The following ART3 variants were observed in gnomAD, a reference collection of about 807,000 sequenced individuals.
ART3 encodes ADP-ribosyltransferase 3 (inactive).
In ART3, 49 loss-of-function variants were observed where a neutral mutation model predicts 48.5. The observed-to-expected ratio is 1.01, with a 90% confidence interval of 0.80 to 1.28. ART3 has a LOEUF of 1.28. Ranked by LOEUF, ART3 falls within the 50% of genes most tolerant of loss-of-function variation. ART3 has a pLI of 0.00. For synonymous variants in ART3, 145 were observed against 157.2 expected, an observed-to-expected ratio of 0.92 and a Z score of 0.58; for missense variants, 438 against 454.3, an observed-to-expected ratio of 0.96 and a Z score of 0.33.
In ART3 at chr4:76,013,785, A is replaced by G. The variant is rs375299724; in HGVS notation, c.-10+2465A>G. 2.0e-5 allele frequency among the ~76,000 whole-genome samples: 3 copies of G among 152,308 alleles called. No individual in the cohort carries two copies. In the East Asian group the frequency reaches 5.8e-4, roughly 29 times the overall value. On this transcript the variant is annotated intron_variant, in intron 1 of 9. Coordinates refer to the ART3 transcript ENST00000341029. ...AGTATGTAGATGTATCTGTTTCACA[A>G]TCCTCTTGTCATTTTATTTACTTTT...
intron 1 of ART3, among the ~76,000 whole-genome samples, chr4:76,038,910 A>T (rs1419137678): frequency 6.6e-6 from 1 of 151,550 alleles, no homozygotes; most frequent in African/African-American, 2.4e-5. Flanking sequence ...TTTAGTAGAG[A>T]TGGTGTTTAG....
upstream of ART3, among the ~76,000 whole-genome samples, chr4:76,072,728 A>G (rs1473355929): frequency 4.2e-5 from 6 of 144,314 alleles, no homozygotes; most frequent in Admixed American, 1.4e-4. Flanking sequence ...AGAGATTGAC[A>G]TGGTCTTCCC....
intron 1 of ART3, chr4:76,022,611 CTTT>C (rs11298565): frequency 4.0e-6 from 6 of 1,491,806 alleles, no homozygotes; most frequent in African/African-American, 1.4e-5. Context: ...CTTTACTGAT[CTTT>C]TTTTATTATC....
chr4:76,035,086 GC>G, intron 1 of ART3: 1 of 1,613,770 alleles, frequency 6.2e-7, no homozygotes, highest in Non-Finnish European at 8.5e-7. Context: ...TGGGATTTAG[GC>G]ATCGTTGTCC....
chr4:76,056,605 A>G (rs1718716647), intron 1 of ART3, among the ~76,000 whole-genome samples: 1 of 152,268 alleles, frequency 6.6e-6, no homozygotes, highest in East Asian at 1.9e-4. Flanking sequence ...GGGGGTGGAC[A>G]GTGTGTGTGA....
intron 1 of ART3, among the ~76,000 whole-genome samples, chr4:76,053,247 CTTAA>C (rs1736308395): frequency 6.6e-6 from 1 of 152,094 alleles, no homozygotes; most frequent in Admixed American, 6.5e-5. Context: ...TTCTCATTGG[CTTAA>C]TTAAATTTAT....
intron 3 of ART3, among the ~76,000 whole-genome samples, chr4:76,087,717 A>G (rs1723921437): frequency 6.6e-6 from 1 of 152,228 alleles, no homozygotes; most frequent in Non-Finnish European, 1.5e-5. Flanking sequence ...CAGAGAGAAT[A>G]TCAACATCTC....
chr4:76,082,769 G>A (rs1203333816), intron 3 of ART3, among the ~76,000 whole-genome samples: 1 of 152,080 alleles, frequency 6.6e-6, no homozygotes, highest in Non-Finnish European at 1.5e-5. Flanking sequence ...TTAACCAAAG[G>A]CAGTTTTGCC....
At chr4:76,071,215 T>C (rs1211628438), upstream of ART3, among the ~76,000 whole-genome samples, 1 of 151,810 alleles carries the variant, frequency 6.6e-6, no homozygotes, top group Non-Finnish European at 1.5e-5. Context: ...CCAGGCTTGG[T>C]AGTGGGCAGC....
chr4:76,091,553 C>G (rs1047772691), intron 3 of ART3, among the ~76,000 whole-genome samples: 2 of 151,964 alleles, frequency 1.3e-5, no homozygotes, highest in East Asian at 1.9e-4. Flanking sequence ...AACACCTGCT[C>G]AAAGATTTTT....
rs138828534 is a variant in ART3 at position 76,068,205 on chromosome 4, T to C, written c.-9-7676T>C. On this transcript the variant is annotated intron_variant, in intron 1 of 9. Transcript: ENST00000341029. ...GTAAATAAAATTCACAAATTTGAAG[T>C]GTACAGTTCTGTGACTTTTGACAAA... Among the ~76,000 whole-genome samples, 4 of 152,340 alleles carry C rather than the reference T, an allele frequency of 2.6e-5. No homozygotes were observed. In the East Asian group the frequency reaches 7.7e-4, roughly 29 times the overall value.
At chr4:76,028,260 A>G (rs921142798) in intron 1 of ART3, among the ~76,000 whole-genome samples, 3 of 152,270 alleles carry the variant, frequency 2.0e-5, no homozygotes, top group African/African-American at 7.2e-5. Context: ...TCATTTGAAT[A>G]AAAATCTAAA....
chr4:76,020,408 C>T (rs893368951), intron 1 of ART3, among the ~76,000 whole-genome samples: 2 of 152,108 alleles, frequency 1.3e-5, no homozygotes, highest in Non-Finnish European at 2.9e-5. Flanking sequence ...TTGTCTTTTC[C>T]TTTTTGATCT....
At position 76,020,668 on chromosome 4, in the gene ART3, A is replaced by G. The variant is rs569778528; in HGVS notation, c.-10+9348A>G. ...GAGTTTAAACTAAAGTTCCTATGGGATATTCAAGTGGACATGTCTTAGAGA... is the reference window on the plus strand; with the variant it reads ...GAGTTTAAACTAAAGTTCCTATGGGGTATTCAAGTGGACATGTCTTAGAGA... On this transcript the variant is annotated intron_variant, in intron 1 of 9. Coordinates refer to the ART3 transcript ENST00000341029. Among the ~76,000 whole-genome samples, 14 of 152,230 alleles carry G rather than the reference A, an allele frequency of 9.2e-5. No individual in the cohort carries two copies. In the East Asian group the frequency reaches 2.7e-3, roughly 29 times the overall value.
At chr4:76,033,448 G>A (rs559390309) in intron 1 of ART3, among the ~76,000 whole-genome samples, 1 of 152,190 alleles carries the variant, frequency 6.6e-6, no homozygotes, top group South Asian at 2.1e-4. Flanking sequence ...CCTGTCTTTG[G>A]CTTCTCTCTT....
intron 9 of ART3, 147 bp downstream of exon 9, chr4:76,104,116 G>A: frequency 1.1e-6 from 1 of 948,906 alleles, no homozygotes. Flanking sequence ...TTTAGCTGGG[G>A]AAGCGTAGAG....
chr4:76,011,408 G>A (rs1488045617), intron 1 of ART3: 1 of 152,800 alleles, frequency 6.5e-6, no homozygotes, highest in South Asian at 2.1e-4. Flanking sequence ...TTTTGGGGAT[G>A]GGTGGGAAGG....
intron 1 of ART3, among the ~76,000 whole-genome samples, chr4:76,060,226 T>TAATA (rs1164106782): frequency 6.6e-6 from 1 of 152,206 alleles, no homozygotes; most frequent in Non-Finnish European, 1.5e-5. Context: ...TTTTGGAACA[T>TAATA]AATACTGTTG....
chr4:76,100,269 G>T, intron 5 of ART3, 22 bp from the exon 6 acceptor site: 1 of 1,609,544 alleles, frequency 6.2e-7, no homozygotes, highest in Non-Finnish European at 8.5e-7. Flanking sequence ...TAAAACTGAT[G>T]AACTTCTTTT....
Sources: gnomAD v4.1 joint callset for allele counts (sites outside exome capture counted in the v4.1 genomes callset) on GRCh38, gnomAD v4.1.1 for gene constraint, MANE v1.5 for transcripts, NCBI Gene and HGNC (gene_info 2026-07-23, HGNC 2026-07-21) for gene names.